The following CNTNAP2 variants were observed in gnomAD, a reference collection of about 807,000 sequenced individuals.
CNTNAP2 encodes contactin associated protein 2, also known as contactin-associated protein-like 2.
In CNTNAP2, 98 loss-of-function variants were observed where a neutral mutation model predicts 155.2. The observed-to-expected ratio is 0.63, with a 90% confidence interval of 0.54 to 0.75. The LOEUF (loss-of-function observed/expected upper bound fraction) is 0.75, where lower values mean the gene tolerates loss of function less well. CNTNAP2 is among the 30% of genes least tolerant of loss of function. The pLI, the probability that CNTNAP2 is intolerant of heterozygous loss-of-function variation, is 0.00. For synonymous variants in CNTNAP2, 651 were observed against 631.2 expected (o/e 1.03, Z -0.47); for missense variants, 1,727 against 1,688.1 (o/e 1.02, Z -0.40).
chr7:147,503,220 G>A (rs34525725), intron 11 of CNTNAP2, among the ~76,000 whole-genome samples: 48,506 of 151,792 alleles, frequency 0.32, 7,966 homozygotes, highest in East Asian at 0.43. Flanking sequence ...ACCTTGACTT[G>A]TACATGCCTC....
At chr7:147,021,423 G>GT (rs1798815480) in intron 3 of CNTNAP2, among the ~76,000 whole-genome samples, 1 of 152,008 alleles carries the variant, frequency 6.6e-6, no homozygotes, top group Non-Finnish European at 1.5e-5. Flanking sequence ...CTTTTGTTTT[G>GT]TTTTTTAGCC....
chr7:146,758,077 A>G (rs938547523), intron 1 of CNTNAP2, among the ~76,000 whole-genome samples: 1 of 152,196 alleles, frequency 6.6e-6, no homozygotes, highest in African/African-American at 2.4e-5. Context: ...CCATTCAGAA[A>G]TCTTTAATTG....
intron 1 of CNTNAP2, among the ~76,000 whole-genome samples, chr7:146,762,247 A>AATATCACAT (rs1322626475): frequency 6.6e-6 from 1 of 152,164 alleles, no homozygotes; most frequent in African/African-American, 2.4e-5. Flanking sequence ...TACTTGGCAA[A>AATATCACAT]ATATCACATT....
intron 3 of CNTNAP2, among the ~76,000 whole-genome samples, chr7:146,875,934 CAAAAAAA>C (rs56304234): frequency 0.068 from 3,773 of 55,272 alleles, 126 homozygotes; most frequent in Admixed American, 0.096. Context: ...ACATACACAG[CAAAAAAA>C]AAAAAAAAAA....
At chr7:147,155,122 T>C (rs1217876641) in intron 8 of CNTNAP2, among the ~76,000 whole-genome samples, 1 of 152,066 alleles carries the variant, frequency 6.6e-6, no homozygotes, top group Non-Finnish European at 1.5e-5. Flanking sequence ...TGAGAGTATT[T>C]GGAGATAAGA....
intron 8 of CNTNAP2, among the ~76,000 whole-genome samples, chr7:147,252,235 A>T (rs1168316914): frequency 6.6e-6 from 1 of 152,188 alleles, no homozygotes; most frequent in Non-Finnish European, 1.5e-5. Flanking sequence ...TACTTGTAAG[A>T]TGGATTAAAG....
chr7:147,501,118 T>C (rs1798803242), intron 11 of CNTNAP2, among the ~76,000 whole-genome samples: 1 of 151,946 alleles, frequency 6.6e-6, no homozygotes, highest in African/African-American at 2.4e-5. Context: ...ATAAACAAAA[T>C]GAAGGATAAG....
intron 13 of CNTNAP2, among the ~76,000 whole-genome samples, chr7:147,861,999 C>CAAAAAAAAAAAAAAAAACAAAAAAAAAAA (rs1799142211): frequency 1.1e-5 from 1 of 94,976 alleles, no homozygotes; most frequent in Non-Finnish European, 2.1e-5. Flanking sequence ...CTCCATCTCA[C>CAAAAAAAAAAAAAAAAACAAAAAAAAAAA]AAAAAAAAAA....
intron 3 of CNTNAP2, among the ~76,000 whole-genome samples, chr7:146,876,474 A>G (rs73740900): frequency 0.021 from 3,136 of 152,278 alleles, 108 homozygotes; most frequent in African/African-American, 0.071. Flanking sequence ...AATAAAATAA[A>G]TGTCCTTCCT....
At chr7:148,275,082 G>A (rs1796849498) in intron 21 of CNTNAP2, among the ~76,000 whole-genome samples, 1 of 152,188 alleles carries the variant, frequency 6.6e-6, no homozygotes. Flanking sequence ...TAGGGTCCAA[G>A]ACAGGCACAG....
chr7:146,428,934 A>G (rs538653437), intron 1 of CNTNAP2, among the ~76,000 whole-genome samples: 1 of 152,198 alleles, frequency 6.6e-6, no homozygotes, highest in African/African-American at 2.4e-5. Context: ...TCTATCTGGT[A>G]TAAGGAAGGG....
At chr7:147,886,109 A>C (rs1194935694) in intron 13 of CNTNAP2, among the ~76,000 whole-genome samples, 6 of 152,138 alleles carry the variant, frequency 3.9e-5, no homozygotes, top group Non-Finnish European at 8.8e-5. Context: ...TTAGCTAGCC[A>C]TGTGCCCCAT....
chr7:147,869,170 A>T (rs1414937504), intron 13 of CNTNAP2, among the ~76,000 whole-genome samples: 1 of 152,258 alleles, frequency 6.6e-6, no homozygotes, highest in Non-Finnish European at 1.5e-5. Flanking sequence ...GAAAATATAT[A>T]GAAAAAGATA....
intron 18 of CNTNAP2, among the ~76,000 whole-genome samples, chr7:148,205,682 C>A (rs1416048110): frequency 6.6e-6 from 1 of 152,198 alleles, no homozygotes; most frequent in East Asian, 1.9e-4. Flanking sequence ...CCACTTCATA[C>A]GCACACAAAA....
At chr7:147,633,863 C>T (rs770864114) in intron 12 of CNTNAP2, among the ~76,000 whole-genome samples, 8 of 152,100 alleles carry the variant, frequency 5.3e-5, no homozygotes, top group Non-Finnish European at 1.0e-4. Flanking sequence ...CATAAATTAC[C>T]CAGTCTTAGG....
intron 14 of CNTNAP2, among the ~76,000 whole-genome samples, chr7:147,934,012 A>T (rs1204589172): frequency 6.6e-6 from 1 of 152,244 alleles, no homozygotes; most frequent in African/African-American, 2.4e-5. Context: ...ACAATAATCA[A>T]ACTCATAGAA....
intron 21 of CNTNAP2, among the ~76,000 whole-genome samples, chr7:148,342,291 G>A (rs145445681): frequency 7.0e-4 from 106 of 152,272 alleles, no homozygotes; most frequent in Non-Finnish European, 1.3e-3. Context: ...CTGTATTCCT[G>A]AAAACTGGCC....
chr7:148,086,708 A>G (rs1229890054), intron 15 of CNTNAP2, among the ~76,000 whole-genome samples: 1 of 152,132 alleles, frequency 6.6e-6, no homozygotes, highest in Admixed American at 6.6e-5. Flanking sequence ...AAATATTACC[A>G]TATCCAAATG....
At chr7:147,282,831 A>T (rs548739824) in intron 8 of CNTNAP2, among the ~76,000 whole-genome samples, 30 of 151,974 alleles carry the variant, frequency 2.0e-4, no homozygotes, top group Middle Eastern at 6.8e-3. Flanking sequence ...CCTAGTCTCA[A>T]GCAACTTTCC....
Sources: gnomAD v4.1 joint callset for allele counts (sites outside exome capture counted in the v4.1 genomes callset) on GRCh38, gnomAD v4.1.1 for gene constraint, MANE v1.5 for transcripts, NCBI Gene and HGNC (gene_info 2026-07-23, HGNC 2026-07-21) for gene names.